Variants in B4GALNT3 observed in about 807,000 individuals in gnomAD.
The protein encoded by B4GALNT3 is beta-1,4-N-acetyl-galactosaminyltransferase 3, also known as beta-1,4-N-acetylgalactosaminyltransferase 3.
Under a neutral mutation model 120.2 loss-of-function variants are expected in B4GALNT3, and 86 were observed. The ratio of observed to expected loss-of-function variants is 0.72; its 90% CI spans 0.60 to 0.86. B4GALNT3 has a LOEUF of 0.86. B4GALNT3 is among the 40% of genes least tolerant of loss of function. The pLI, the probability that B4GALNT3 is intolerant of heterozygous loss-of-function variation, is 0.00. For synonymous variants in B4GALNT3, 518 were observed against 510.4 expected (o/e 1.01, Z -0.20); for missense variants, 1,167 against 1,298.9 (o/e 0.90, Z 1.56).
At chr12:528,101 A>G (rs1160426857) in intron 1 of B4GALNT3, among the ~76,000 whole-genome samples, 3 of 152,176 alleles carry the variant, frequency 2.0e-5, no homozygotes, top group Non-Finnish European at 2.9e-5. Context: ...GGAATTTGGT[A>G]CACAGGTTTT....
chr12:556,629 C>G lies in B4GALNT3; in HGVS notation c.2143C>G (p.Leu715Val). The G allele has an allele frequency of 1.2e-6, 2 of 1,614,094 alleles. No individual in the cohort carries two copies. Among genetic ancestry groups the G allele is most frequent in the Non-Finnish European group, 8.5e-7 (1 of 1,180,050 alleles). ...GGGTCGCTACCTCCTGGAGCTTGAACTGTTGGAACAAGGCCAGCGCGTGGT... is the reference window on the plus strand; with the variant it reads ...GGGTCGCTACCTCCTGGAGCTTGAAGTGTTGGAACAAGGCCAGCGCGTGGT... Reference protein sequence around the residue: ...RGGRYLLELELLEQGQRVVRL... With the variant: ...RGGRYLLELEVLEQGQRVVRL... The change falls in exon 15 of 20, where the codon CTG (leucine) becomes GTG (valine). Residue 715 changes from leucine to valine, a missense_variant. This residue lies in a region of B4GALNT3 where 983 missense variants were observed against 1,102.5 expected (regional missense o/e 0.89). Transcript: ENST00000266383.
intron 18 of B4GALNT3, 59 bp from the exon 19 acceptor site, chr12:559,236 C>G: frequency 6.2e-7 from 1 of 1,608,056 alleles, no homozygotes; most frequent in Non-Finnish European, 8.5e-7. Flanking sequence ...CTGGAAGCCT[C>G]CTTCCTTCCT....
At chr12:473,484 G>A (rs544483151) in intron 1 of B4GALNT3, among the ~76,000 whole-genome samples, 14 of 152,314 alleles carry the variant, frequency 9.2e-5, no homozygotes, top group African/African-American at 3.4e-4. Context: ...GATGGAGAAG[G>A]TGATGGAATA....
intron 11 of B4GALNT3, 52 bp from the exon 12 acceptor site, chr12:552,011 T>G: frequency 2.8e-6 from 4 of 1,409,578 alleles, no homozygotes; most frequent in Non-Finnish European, 4.0e-6. Flanking sequence ...CTGGCTGATT[T>G]CTTACCAAGA....
intron 3 of B4GALNT3, among the ~76,000 whole-genome samples, chr12:543,377 G>T (rs1434102280): frequency 1.3e-5 from 2 of 151,254 alleles, no homozygotes; most frequent in Non-Finnish European, 3.0e-5. Context: ...GGCATGGGGT[G>T]CTCATCCTCC....
Position 559,322 on chromosome 12 carries a change from T to C in B4GALNT3, c.2789T>C (p.Leu930Pro). ...TACTGGGAGGTGAATGGGTTCGGGC[T>C]GCTTGGCATCTACAAGTCTGACCTG... The part of the protein sequence containing the change: ...EGYWEVNGFG[L>P]LGIYKSDLDR... Residue 930 changes from leucine (L) to proline (P), a missense_variant, in exon 19 of 20, where the codon CTG becomes CCG. Physicochemically the swap from Leu to Pro is moderately conservative, Grantham distance 98. This residue lies in a region of B4GALNT3 where 983 missense variants were observed against 1,102.5 expected (regional missense o/e 0.89). Transcript: ENST00000266383. 3 of 1,614,074 alleles carry C rather than the reference T, an allele frequency of 1.9e-6. No individual in the cohort carries two copies. The highest frequency in any genetic ancestry group is 1.7e-6 in the Non-Finnish European group (2 of 1,179,972).
chr12:547,491 A>C (rs1947022563), intron 7 of B4GALNT3, among the ~76,000 whole-genome samples: 2 of 152,068 alleles, frequency 1.3e-5, no homozygotes, highest in Non-Finnish European at 2.9e-5. Context: ...AATAAAAATA[A>C]ATTTTAAAAT....
rs570576436 is a variant in B4GALNT3, at chr12:507,706, C to G, written c.170-27460C>G. Among the ~76,000 whole-genome samples, 427 of 152,342 alleles carry G rather than the reference C, an allele frequency of 2.8e-3. 3 individuals carry two copies. Among genetic ancestry groups the G allele is most frequent in the African/African-American group, 9.7e-3 (404 of 41,592 alleles). The stretch of plus-strand genomic sequence containing the variant: ...AGGGTAGGGCTTATTCTAGGAGGCC[C>G]TACCAAAGAAAAGCACTAGGTAGCA... On this transcript the variant is annotated intron_variant, in intron 1 of 19. Transcript: ENST00000266383.
At chr12:472,967 G>A (rs1332421424) in intron 1 of B4GALNT3, among the ~76,000 whole-genome samples, 1 of 123,290 alleles carries the variant, frequency 8.1e-6, no homozygotes, top group African/African-American at 3.1e-5. Context: ...TACTTTAATT[G>A]TTCAAACACT....
chr12:531,916 C>G (rs1260876207), intron 1 of B4GALNT3, among the ~76,000 whole-genome samples: 1 of 151,868 alleles, frequency 6.6e-6, no homozygotes, highest in Non-Finnish European at 1.5e-5. Context: ...ATTGTTCAAG[C>G]AGTCACAGTT....
intron 1 of B4GALNT3, among the ~76,000 whole-genome samples, chr12:466,811 G>C (rs185876300): frequency 9.6e-4 from 146 of 152,084 alleles, no homozygotes; most frequent in African/African-American, 3.5e-3. Flanking sequence ...AACTACAAAA[G>C]GCCTGATACT....
chr12:514,474 G>T (rs1163639436), intron 1 of B4GALNT3, among the ~76,000 whole-genome samples: 1 of 151,996 alleles, frequency 6.6e-6, no homozygotes, highest in Non-Finnish European at 1.5e-5. Context: ...TGGGATTACA[G>T]GCATGAGCCA....
At position 466,300 on chromosome 12, in the gene B4GALNT3, A is replaced by G. The variant is rs1244573513; in HGVS notation, c.169+5755A>G. On this transcript the variant is annotated intron_variant, in intron 1 of 19. Coordinates refer to ENST00000266383, the MANE Select transcript of B4GALNT3 (RefSeq NM_173593.4). ...CCTCTAGTGCTGAGCTTTGTGGAGC[A>G]GAGCAGAGCAGCCGACATAGCAGAG... Among the ~76,000 whole-genome samples, 11 of 152,310 alleles carry G rather than the reference A, an allele frequency of 7.2e-5. No homozygotes were observed. The East Asian group carries it at 1.9e-3, about 27-fold the overall frequency.
Position 552,510 on chromosome 12 carries a change from CAG to C in B4GALNT3, c.1253_1254del (p.Gln418ArgfsTer8). On this transcript the variant is annotated frameshift_variant, in exon 13 of 20. Coordinates refer to ENST00000266383, the MANE Select transcript of B4GALNT3 (RefSeq NM_173593.4). LOFTEE classifies it high-confidence loss of function. ...EYIKIDQPEK[Q>X]GLEQPGFEEN... is the part of the protein sequence containing the mutation. ...CATCAAGATTGACCAGCCTGAGAAGCAGGGGCTGGAGCAGCCAGGTACAGAGT... is the reference window on the plus strand; with the variant it reads ...CATCAAGATTGACCAGCCTGAGAAGCGGGCTGGAGCAGCCAGGTACAGAGT... 6.2e-7 allele frequency: 1 copy of C among 1,613,876 alleles called. No homozygotes were observed. Among genetic ancestry groups the C allele is most frequent in the Non-Finnish European group, 8.5e-7 (1 of 1,179,986 alleles).
intron 1 of B4GALNT3, among the ~76,000 whole-genome samples, chr12:488,167 C>T (rs908832157): frequency 1.3e-4 from 19 of 151,538 alleles, no homozygotes; most frequent in African/African-American, 4.6e-4. Context: ...AAAAAAACCC[C>T]ATCAACCTAG....
rs114022549 is a variant in B4GALNT3, at chr12:547,144, G to C, written c.707+431G>C. Among the ~76,000 whole-genome samples the C allele has an allele frequency of 7.9e-3, 1,182 of 150,252 alleles. 21 individuals are homozygous for C. Among genetic ancestry groups the C allele is most frequent in the African/African-American group, 0.028 (1,139 of 40,790 alleles). On this transcript the variant is annotated intron_variant, in intron 7 of 19. Coordinates refer to ENST00000266383, the MANE Select transcript of B4GALNT3 (RefSeq NM_173593.4). ...CTGGTGGCCCACGCGCGCTCACGCA[G>C]GCGGGAAGAGCGGGCGTTGCTGGGC...
At chr12:517,874 C>T (rs1946672225) in intron 1 of B4GALNT3, among the ~76,000 whole-genome samples, 1 of 152,186 alleles carries the variant, frequency 6.6e-6, no homozygotes, top group Non-Finnish European at 1.5e-5. Flanking sequence ...TGGGGCTCCA[C>T]AATACTGGCT....
At chr12:518,903 C>A (rs1305927750) in intron 1 of B4GALNT3, among the ~76,000 whole-genome samples, 1 of 152,124 alleles carries the variant, frequency 6.6e-6, no homozygotes, top group Non-Finnish European at 1.5e-5. Flanking sequence ...CCTGCGGGAC[C>A]TGTGTATACC....
chr12:528,771 C>T (rs532567298), intron 1 of B4GALNT3, among the ~76,000 whole-genome samples: 4 of 152,324 alleles, frequency 2.6e-5, no homozygotes, highest in Non-Finnish European at 4.4e-5. Context: ...AGAGCCACAG[C>T]CCCTGCTTTT....
Sources: allele counts gnomAD v4.1 joint callset (sites outside exome capture counted in the v4.1 genomes callset), GRCh38; gene constraint gnomAD v4.1.1; regional missense constraint gnomAD v4.1.1; transcripts MANE v1.5; gene names NCBI Gene and HGNC (gene_info 2026-07-23, HGNC 2026-07-21).